Variants in OGT observed in about 807,000 individuals in gnomAD.
OGT encodes the protein UDP-N-acetylglucosamine--peptide N-acetylglucosaminyltransferase 110 kDa subunit.
OGT carries 3 observed loss-of-function variants against 75.8 expected under a neutral mutation model. That is an observed-to-expected ratio of 0.04 (90% CI 0.02 to 0.10). OGT has a LOEUF of 0.10. Among genes scored for constraint, OGT ranks in the 10% least tolerant of loss-of-function variants. OGT has a pLI of 1.00. For synonymous variants in OGT, 257 were observed against 289.7 expected (o/e 0.89, Z 1.15); for missense variants, 260 against 824.4 (o/e 0.32, Z 8.38).
At chrX:71,565,086 G>A (rs1363142459) in intron 19 of OGT, among the ~76,000 whole-genome samples, 1 of 112,326 alleles carries the variant, frequency 8.9e-6, no homozygotes, top group Non-Finnish European at 1.9e-5. Context: ...TTGAACCCGG[G>A]AGGTGGAGGT....
chrX:71,537,885 A>T lies in OGT; in HGVS notation c.275A>T (p.Tyr92Phe). 8.3e-7 allele frequency: 1 copy of T among 1,210,609 alleles called. No homozygotes were observed. Among genetic ancestry groups the T allele is most frequent in the Non-Finnish European group, 1.1e-6 (1 of 894,476 alleles). ...CAGAACCCCCTTCTGGCAGAAGCTTATTCGAATTTGGGGAATGTGTACAAG... is the reference window on the plus strand; with the variant it reads ...CAGAACCCCCTTCTGGCAGAAGCTTTTTCGAATTTGGGGAATGTGTACAAG... ...IKQNPLLAEA[Y>F]SNLGNVYKER... Residue 92 changes from tyrosine (Y) to phenylalanine (F), a missense_variant, in exon 3 of 22, where the codon TAT (tyrosine) becomes TTT (phenylalanine). Transcript: ENST00000373719.
intron 3 of OGT, among the ~76,000 whole-genome samples, chrX:71,543,913 A>G (rs2040241868): frequency 9.2e-6 from 1 of 108,173 alleles, no homozygotes; most frequent in Non-Finnish European, 1.9e-5. Context: ...AAGCCTCCCA[A>G]ATAGCTGGGA....
Position 71,556,841 on chromosome X carries a change from C to T in OGT, c.1166+61C>T, listed in dbSNP as rs964603959. On this transcript the variant is annotated intron_variant, in intron 9 of 21. Coordinates refer to ENST00000373719, the MANE Select transcript of OGT (RefSeq NM_181672.3). ...TTTTAATTTTAAAATGTTTGACATT[C>T]GGCACATTGCAGATGCTAAAATGGC... The T allele has an allele frequency of 6.5e-5, 67 of 1,027,965 alleles. No homozygotes were observed. The East Asian group carries it at 1.7e-3, about 26-fold the overall frequency. The allele number at this position is 1,027,965 out of a possible 1,213,427, so 84.7% of individuals were successfully genotyped here.
intron 21 of OGT, among the ~76,000 whole-genome samples, chrX:71,568,786 C>G (rs1405126794): frequency 9.2e-6 from 1 of 108,249 alleles, no homozygotes; most frequent in Non-Finnish European, 1.9e-5. Flanking sequence ...CGAGATCGCA[C>G]CATTGCACTC....
At position 71,554,580 on chromosome X, in the gene OGT, G is replaced by A; in HGVS notation, c.716G>A (p.Arg239His). The A allele has an allele frequency of 8.3e-7, 1 of 1,199,786 alleles. No homozygotes were observed. Among genetic ancestry groups the A allele is most frequent in the Non-Finnish European group, 1.1e-6 (1 of 885,055 alleles). Residue 239 changes from arginine to histidine, a missense_variant, in exon 6 of 22, where the codon CGC (arginine) becomes CAC (histidine). Coordinates refer to ENST00000373719, the MANE Select transcript of OGT (RefSeq NM_181672.3). Reference sequence around the variant, plus strand: ...TTAGGAAATGTCTTGAAAGAGGCACGCATTTTTGACAGGTGAGAGAATGTT... The same window carrying A: ...TTAGGAAATGTCTTGAAAGAGGCACACATTTTTGACAGGTGAGAGAATGTT... ...INLGNVLKEA[R>H]IFDRAVAAYL...
chrX:71,540,764 C>T (rs1476079017), intron 3 of OGT, among the ~76,000 whole-genome samples: 1 of 108,776 alleles, frequency 9.2e-6, no homozygotes, highest in Non-Finnish European at 1.9e-5. Flanking sequence ...CCTCTGCCTC[C>T]TGGGTTCAAA....
chrX:71,564,569 TA>T, intron 18 of OGT, 31 bp from the exon 19 acceptor site: 1 of 1,169,933 alleles, frequency 8.5e-7, no homozygotes, highest in Non-Finnish European at 1.2e-6. Flanking sequence ...CTTTTGCCTT[TA>T]AATATAACCA....
chrX:71,568,561 C>T (rs890349180), intron 21 of OGT, among the ~76,000 whole-genome samples: 7 of 112,291 alleles, frequency 6.2e-5, no homozygotes, highest in African/African-American at 1.6e-4. Flanking sequence ...GGTGTGGTGG[C>T]TTATGCCTGT....
At chrX:71,546,872 T>A (rs1444841302) in intron 4 of OGT, 1 of 754,034 alleles carries the variant, frequency 1.3e-6, no homozygotes, top group African/African-American at 2.3e-5. Context: ...GTAATCTGAT[T>A]GACTGGCTCC....
At chrX:71,565,006 A>C (rs936643054) in intron 19 of OGT, among the ~76,000 whole-genome samples, 1 of 110,727 alleles carries the variant, frequency 9.0e-6, no homozygotes, top group Non-Finnish European at 1.9e-5. Flanking sequence ...AAAATACCAA[A>C]AAATTAGCCG....
chrX:71,566,432 G>A (rs973649806), intron 19 of OGT, among the ~76,000 whole-genome samples: 7 of 111,943 alleles, frequency 6.3e-5, no homozygotes, highest in Admixed American at 1.9e-4. Flanking sequence ...GAGTTACGGC[G>A]GAAAAGGGAG....
chrX:71,535,237 C>A (rs1210791630), intron 1 of OGT, among the ~76,000 whole-genome samples: 5 of 107,858 alleles, frequency 4.6e-5, no homozygotes, highest in African/African-American at 1.7e-4. Flanking sequence ...CATTATGTTG[C>A]GCTTTATCAA....
intron 1 of OGT, among the ~76,000 whole-genome samples, chrX:71,535,617 C>T (rs1215284158): frequency 9.0e-6 from 1 of 111,653 alleles, no homozygotes; most frequent in Non-Finnish European, 1.9e-5. Flanking sequence ...GAATTAAATT[C>T]TGAAATATAC....
intron 18 of OGT, among the ~76,000 whole-genome samples, chrX:71,563,731 C>G (rs1340956979): frequency 8.9e-6 from 1 of 111,811 alleles, no homozygotes; most frequent in Non-Finnish European, 1.9e-5. Context: ...CTTGTTATTC[C>G]CTGCCTGTGG....
At chrX:71,545,409 G>C (rs748607072) in intron 4 of OGT, 2 of 112,563 alleles carry the variant, frequency 1.8e-5, no homozygotes, top group East Asian at 5.5e-4. Context: ...TCCAAATAAT[G>C]AATTTGAACA....
intron 4 of OGT, chrX:71,547,279 T>C: frequency 2.7e-6 from 2 of 752,137 alleles, no homozygotes; most frequent in Non-Finnish European, 3.1e-6. Context: ...GGAACATTGT[T>C]GAAGAGCAGC....
At chrX:71,537,174 G>A in intron 2 of OGT, 1 of 132,936 alleles carries the variant, frequency 7.5e-6, no homozygotes, top group Non-Finnish European at 1.5e-5. Flanking sequence ...CTCCATGTTG[G>A]TCAGGCTGGT....
chrX:71,563,178 C>T lies in OGT; in HGVS notation c.2197C>T (p.Arg733Trp). Residue 733 changes from arginine to tryptophan, a missense_variant, in exon 17 of 22, where the codon CGG becomes TGG. Arg to Trp is a moderately radical substitution (Grantham distance 101, BLOSUM62 -3). This residue lies in a region of OGT where 79 missense variants were observed against 141.0 expected (regional missense o/e 0.56). Transcript: ENST00000373719. ...FKSNGHIYDN[R>W]IVLNGIDLKA... Reference sequence around the variant, plus strand: ...GTCCAATGGGCACATTTATGACAATCGGATAGTTCTGAATGGCATCGACCT... The same window carrying T: ...GTCCAATGGGCACATTTATGACAATTGGATAGTTCTGAATGGCATCGACCT... 1 of 1,211,490 alleles carries T rather than the reference C, an allele frequency of 8.3e-7. No individual in the cohort carries two copies. Among genetic ancestry groups the T allele is most frequent in the Non-Finnish European group, 1.1e-6 (1 of 895,175 alleles).
chrX:71,541,307 T>C (rs1182154426), intron 3 of OGT, among the ~76,000 whole-genome samples: 1 of 110,623 alleles, frequency 9.0e-6, no homozygotes, highest in Non-Finnish European at 1.9e-5. Context: ...GAAAACCATA[T>C]ATTTCGATTC....
Sources: gnomAD v4.1 joint callset for allele counts (sites outside exome capture counted in the v4.1 genomes callset) on GRCh38, gnomAD v4.1.1 for gene constraint, gnomAD v4.1.1 regional missense constraint, MANE v1.5 for transcripts, NCBI Gene and HGNC (gene_info 2026-07-23, HGNC 2026-07-21) for gene names.